The following SERPINA11 variants were observed in gnomAD, a reference collection of about 807,000 sequenced individuals.
SERPINA11 encodes serpin A11.
A neutral mutation model predicts 29.4 loss-of-function variants in SERPINA11; 28 were observed. The observed-to-expected ratio is 0.95, with a 90% CI of 0.70 to 1.30. SERPINA11 has a LOEUF of 1.30. SERPINA11 is among the 50% of genes most tolerant of loss of function. The pLI is 0.00. For missense variants in SERPINA11, 530 were observed against 507.3 expected, an observed-to-expected ratio of 1.04 and a Z score of -0.43; for synonymous variants, 253 against 206.6, an observed-to-expected ratio of 1.22 and a Z score of -1.92.
Position 94,443,086 on chromosome 14 carries a change from T to C in SERPINA11, c.1057A>G (p.Ile353Val), listed in dbSNP as rs766765461. The C allele has an allele frequency of 3.7e-6, 6 of 1,611,272 alleles. No individual in the cohort carries two copies. The highest frequency in any genetic ancestry group is 1.1e-5 in the South Asian group (1 of 90,290). ...CATGTTCACCACTTTACCTTGGAGATGGTTTTGTTGAGCTGCCCAGTGACT... is the reference window on the plus strand; with the variant it reads ...CATGTTCACCACTTTACCTTGGAGACGGTTTTGTTGAGCTGCCCAGTGACT... ...SGVTGQLNKT[I>V]SKVSHKAMVD... is the part of the protein sequence containing the mutation. Residue 353 changes from isoleucine (I) to valine (V), a missense_variant, in exon 4 of 5, where the codon ATC becomes GTC. Physicochemically the swap from Ile to Val is conservative, Grantham distance 29. Transcript: ENST00000334708.
Position 94,448,503 on chromosome 14 carries a change from GC to G in SERPINA11, c.271del (p.Ala91ProfsTer8). On this transcript the variant is annotated frameshift_variant, in exon 2 of 5. Transcript: ENST00000334708. LOFTEE classifies it high-confidence loss of function. ...STTLALLSLG[A>X]QANTSALILE... The stretch of plus-strand genomic sequence containing the variant: ...GATCAGAGCTGAGGTGTTAGCTTGG[GC>G]CCCAAGAGAGAGCAGGGCCAGGGTG... 6.2e-7 allele frequency: 1 copy of G among 1,614,188 alleles called. No homozygotes were observed. The highest frequency in any genetic ancestry group is 8.5e-7 in the Non-Finnish European group (1 of 1,180,040).
In SERPINA11 at chr14:94,445,740, G is replaced by GT. The variant is rs5810679; in HGVS notation, c.917+590dup. ...TGCATCAACATGTCCAGCTATATAT[G>GT]TTTTTTTTTCATTTTGCATAGAGGC... On this transcript the variant is annotated intron_variant, in intron 3 of 4. Coordinates refer to ENST00000334708, the MANE Select transcript of SERPINA11 (RefSeq NM_001080451.2). Among the ~76,000 whole-genome samples the GT allele has an allele frequency of 3.3e-3, 492 of 151,208 alleles. 3 individuals are homozygous for GT. Among genetic ancestry groups the GT allele is most frequent in the African/African-American group, 8.7e-3 (358 of 41,146 alleles).
intron 1 of SERPINA11, among the ~76,000 whole-genome samples, chr14:94,449,278 G>A (rs903459978): frequency 5.9e-5 from 9 of 152,174 alleles, no homozygotes; most frequent in African/African-American, 2.2e-4. Context: ...CTAGGCTGCA[G>A]TGAGCTGTGA....
Position 94,442,604 on chromosome 14 carries a change from G to T in SERPINA11, c.*2C>A. 1 of 1,603,128 alleles carries T rather than the reference G, an allele frequency of 6.2e-7. No individual in the cohort carries two copies. Among genetic ancestry groups the T allele is most frequent in the East Asian group, 2.2e-5 (1 of 44,464 alleles). On this transcript the variant is annotated 3_prime_UTR_variant, in exon 5 of 5. Coordinates refer to ENST00000334708, the MANE Select transcript of SERPINA11 (RefSeq NM_001080451.2). Reference sequence around the variant, plus strand: ...AAGATAACTCCTGGCCTCCCACCATGGTTACCCTGCAACTGGGTTGACAAC... The same window carrying T: ...AAGATAACTCCTGGCCTCCCACCATTGTTACCCTGCAACTGGGTTGACAAC...
At chr14:94,449,425 C>CTTTCTTTCTT (rs1229744707) in intron 1 of SERPINA11, among the ~76,000 whole-genome samples, 4 of 90,592 alleles carry the variant, frequency 4.4e-5, no homozygotes, top group Admixed American at 2.3e-4. Context: ...TTCTTTCTTT[C>CTTTCTTTCTT]TTTCTTTCTT....
At chr14:94,448,092 G>A in intron 2 of SERPINA11, 40 bp downstream of exon 2, 1 of 1,584,644 alleles carries the variant, frequency 6.3e-7, no homozygotes, top group South Asian at 1.1e-5. Flanking sequence ...GCATTTACTT[G>A]CAGAGGCAGT....
chr14:94,446,588 A>T lies in SERPINA11; in HGVS notation c.660T>A (p.Pro220=). ...GCTTCTGGGTCTGGTAGCGACTGAA[A>T]GGGTGCTTCCACTTGGCTTAGGACA... ...YIFFKAKWKH[P]FSRYQTQKQE... Residue 220 remains proline, a synonymous_variant, in exon 3 of 5, where the codon CCT becomes CCA. Coordinates refer to ENST00000334708, the MANE Select transcript of SERPINA11 (RefSeq NM_001080451.2). 1.2e-6 allele frequency: 2 copies of T among 1,613,908 alleles called. No individual in the cohort carries two copies. The highest frequency in any genetic ancestry group is 1.7e-6 in the Non-Finnish European group (2 of 1,179,902).
At chr14:94,449,527 T>TCC (rs1898547560) in intron 1 of SERPINA11, among the ~76,000 whole-genome samples, 1 of 139,540 alleles carries the variant, frequency 7.2e-6, no homozygotes, top group African/African-American at 2.7e-5. Context: ...CTTTCTTTCT[T>TCC]TTTCTTTCTT....
rs150852847 is a variant in SERPINA11, at chr14:94,451,327, G to T, written c.-4+1402C>A. ...AAAGTACTGTGGGCACGCCCCCAAG[G>T]CTACGTCCTCCCTTTCTCCAGCACA... On this transcript the variant is annotated intron_variant, in intron 1 of 4. Coordinates refer to ENST00000334708, the MANE Select transcript of SERPINA11 (RefSeq NM_001080451.2). 4.5e-3 allele frequency among the ~76,000 whole-genome samples: 685 copies of T among 152,290 alleles called. 2 individuals carry two copies. Among genetic ancestry groups the T allele is most frequent in the South Asian group, 8.3e-3 (40 of 4,820 alleles).
intron 2 of SERPINA11, among the ~76,000 whole-genome samples, chr14:94,447,758 T>C (rs961584327): frequency 5.2e-5 from 7 of 133,668 alleles, no homozygotes; most frequent in African/African-American, 1.7e-4. Context: ...CCTTTAGATA[T>C]GCTAGTTTTT....
In SERPINA11 at chr14:94,442,743, G is replaced by A. The variant is rs1429020284; in HGVS notation, c.1132C>T (p.Leu378Phe). Residue 378 changes from leucine to phenylalanine, a missense_variant, in exon 5 of 5, where the codon CTC (leucine) becomes TTC (phenylalanine). Leu to Phe is a conservative substitution (Grantham distance 22). Coordinates refer to ENST00000334708, the MANE Select transcript of SERPINA11 (RefSeq NM_001080451.2). Reference sequence around the variant, plus strand: ...GTGTTCAGAGATGGGGGCTGGGAGAGGAGGCCTGAAGCAGCCCCGGCCTCG... The same window carrying A: ...GTGTTCAGAGATGGGGGCTGGGAGAAGAGGCCTGAAGCAGCCCCGGCCTCG... Reference protein sequence around the residue: ...GTEAGAASGLLSQPPSLNTMS... With the variant: ...GTEAGAASGLFSQPPSLNTMS... 1 of 1,613,592 alleles carries A rather than the reference G, an allele frequency of 6.2e-7. No homozygotes were observed. Among genetic ancestry groups the A allele is most frequent in the Non-Finnish European group, 8.5e-7 (1 of 1,179,914 alleles).
intron 1 of SERPINA11, among the ~76,000 whole-genome samples, chr14:94,451,190 A>G (rs1356179436): frequency 5.3e-5 from 8 of 152,198 alleles, no homozygotes; most frequent in African/African-American, 1.2e-4. Flanking sequence ...ATTTTTGCAA[A>G]TGGGTTTGTA....
At chr14:94,449,461 C>CTTTCTTTCT (rs1898535458) in intron 1 of SERPINA11, among the ~76,000 whole-genome samples, 3 of 114,382 alleles carry the variant, frequency 2.6e-5, no homozygotes, top group African/African-American at 1.5e-4. Context: ...TTCTTTCTTT[C>CTTTCTTTCT]TTTCTTTCTT....
At chr14:94,444,605 A>G (rs895327930) in intron 3 of SERPINA11, among the ~76,000 whole-genome samples, 1 of 152,118 alleles carries the variant, frequency 6.6e-6, no homozygotes, top group African/African-American at 2.4e-5. Flanking sequence ...AACTGACTAG[A>G]GCCGTGGAGC....
chr14:94,450,811 G>A (rs1466854382), intron 1 of SERPINA11, among the ~76,000 whole-genome samples: 1 of 152,150 alleles, frequency 6.6e-6, no homozygotes. Flanking sequence ...GGGAACTGCA[G>A]TGCAAACAGG....
chr14:94,450,669 GA>G (rs1236958566), intron 1 of SERPINA11, among the ~76,000 whole-genome samples: 1 of 152,162 alleles, frequency 6.6e-6, no homozygotes, highest in Non-Finnish European at 1.5e-5. Flanking sequence ...AAACTAATGT[GA>G]TATCTCTTGT....
chr14:94,446,295 C>A, intron 3 of SERPINA11, 36 bp downstream of exon 3: 1 of 1,584,756 alleles, frequency 6.3e-7, no homozygotes, highest in Non-Finnish European at 8.6e-7. Context: ...GGTTCTTGAG[C>A]AAGGTCAGCC....
Position 94,442,762 on chromosome 14 carries a change from G to A in SERPINA11, c.1113C>T (p.Ala371=), listed in dbSNP as rs776751744. 47 of 1,612,832 alleles carry A rather than the reference G, an allele frequency of 2.9e-5. No homozygotes were observed. Among genetic ancestry groups the A allele is most frequent in the East Asian group, 4.5e-5 (2 of 44,876 alleles). ...MVDMSEKGTE[A]GAASGLLSQP... Reference sequence around the variant, plus strand: ...GGGAGAGGAGGCCTGAAGCAGCCCCGGCCTCGGTCCCCTTCTCACTCATGT... The same window carrying A: ...GGGAGAGGAGGCCTGAAGCAGCCCCAGCCTCGGTCCCCTTCTCACTCATGT... Residue 371 remains alanine (A), a synonymous_variant, in exon 5 of 5, where the codon GCC becomes GCT. Coordinates refer to ENST00000334708, the MANE Select transcript of SERPINA11 (RefSeq NM_001080451.2).
intron 4 of SERPINA11, 125 bp downstream of exon 4, chr14:94,442,953 G>A (rs1214813923): frequency 1.2e-5 from 16 of 1,286,684 alleles, no homozygotes; most frequent in Non-Finnish European, 1.3e-5. Flanking sequence ...CTTAAAGACT[G>A]TGGTATTAAA....
Sources: gnomAD v4.1 joint callset for allele counts (sites outside exome capture counted in the v4.1 genomes callset) on GRCh38, gnomAD v4.1.1 for gene constraint, MANE v1.5 for transcripts, NCBI Gene and HGNC (gene_info 2026-07-23, HGNC 2026-07-21) for gene names.